The following ADAMTS3 variants were observed in gnomAD, a reference collection of about 807,000 sequenced individuals.
The protein encoded by ADAMTS3 is ADAM metallopeptidase with thrombospondin type 1 motif 3.
A neutral mutation model predicts 129.0 loss-of-function variants in ADAMTS3; 73 were observed. That is an observed-to-expected ratio of 0.57 (90% CI 0.47 to 0.69). The LOEUF is 0.69. ADAMTS3 is among the 30% of genes least tolerant of loss of function. ADAMTS3 has a pLI of 0.00. For synonymous variants in ADAMTS3, 477 were observed against 510.8 expected (o/e 0.93, Z 0.89); for missense variants, 1,457 against 1,514.5 (o/e 0.96, Z 0.63).
At chr4:72,529,377 G>T (rs1720899092) in intron 3 of ADAMTS3, among the ~76,000 whole-genome samples, 1 of 151,910 alleles carries the variant, frequency 6.6e-6, no homozygotes, top group African/African-American at 2.4e-5. Flanking sequence ...AAAGTCTGTG[G>T]TGGTGCCCAG....
intron 5 of ADAMTS3, among the ~76,000 whole-genome samples, chr4:72,337,327 CAT>C (rs1457131282): frequency 6.6e-6 from 1 of 151,890 alleles, no homozygotes; most frequent in Non-Finnish European, 1.5e-5. Context: ...GTTTTTAAAA[CAT>C]AAAATGCATC....
At chr4:72,336,368 A>G (rs1719988373) in intron 5 of ADAMTS3, among the ~76,000 whole-genome samples, 1 of 152,234 alleles carries the variant, frequency 6.6e-6, no homozygotes, top group South Asian at 2.1e-4. Flanking sequence ...GAGAAATCAT[A>G]AAGCATGGCC....
intron 3 of ADAMTS3, among the ~76,000 whole-genome samples, chr4:72,504,858 T>C (rs1720116536): frequency 6.6e-6 from 1 of 152,210 alleles, no homozygotes; most frequent in African/African-American, 2.4e-5. Context: ...AAGCTACTTA[T>C]AAAGTTTTCA....
At chr4:72,341,898 T>C (rs74687311) in intron 4 of ADAMTS3, among the ~76,000 whole-genome samples, 5,449 of 152,264 alleles carry the variant, frequency 0.036, 326 homozygotes, top group African/African-American at 0.13. Flanking sequence ...TCTTTCCATG[T>C]TTCCTAAAAT....
At chr4:72,538,089 T>C (rs1721226586) in intron 3 of ADAMTS3, among the ~76,000 whole-genome samples, 1 of 151,958 alleles carries the variant, frequency 6.6e-6, no homozygotes, top group Non-Finnish European at 1.5e-5. Context: ...ATACCAAGTC[T>C]GAGAAAGAAA....
At chr4:72,344,048 A>C (rs976729770) in intron 4 of ADAMTS3, among the ~76,000 whole-genome samples, 2 of 152,154 alleles carry the variant, frequency 1.3e-5, no homozygotes, top group African/African-American at 4.8e-5. Flanking sequence ...TGCAGAAGTG[A>C]TCATTTTACT....
At chr4:72,339,305 C>T (rs1384108891) in intron 5 of ADAMTS3, among the ~76,000 whole-genome samples, 189 bp downstream of exon 5, 3 of 152,166 alleles carry the variant, frequency 2.0e-5, no homozygotes, top group South Asian at 2.1e-4. Flanking sequence ...AAGAAACTTT[C>T]GCTTCATGCT....
intron 3 of ADAMTS3, among the ~76,000 whole-genome samples, chr4:72,536,872 T>A (rs1332682644): frequency 2.0e-5 from 3 of 152,228 alleles, no homozygotes; most frequent in Non-Finnish European, 4.4e-5. Context: ...TCATTCATGC[T>A]TATTGATTAT....
At chr4:72,415,614 T>C (rs1722284383) in intron 3 of ADAMTS3, among the ~76,000 whole-genome samples, 1 of 151,816 alleles carries the variant, frequency 6.6e-6, no homozygotes, top group Non-Finnish European at 1.5e-5. Context: ...TATATATATA[T>C]CCCCCTCAAA....
At chr4:72,321,345 G>GTT (rs33935571) in intron 6 of ADAMTS3, among the ~76,000 whole-genome samples, 89 of 148,888 alleles carry the variant, frequency 6.0e-4, no homozygotes, top group Middle Eastern at 3.4e-3. Context: ...CTTTTTTTTT[G>GTT]TTTTTTTTTG....
At chr4:72,424,742 C>T (rs1722528581) in intron 3 of ADAMTS3, among the ~76,000 whole-genome samples, 1 of 152,006 alleles carries the variant, frequency 6.6e-6, no homozygotes, top group Non-Finnish European at 1.5e-5. Context: ...TTTTTCTTCT[C>T]CCAAGAAACT....
intron 3 of ADAMTS3, among the ~76,000 whole-genome samples, chr4:72,501,805 G>GT (rs60617253): frequency 1.3e-5 from 2 of 152,036 alleles, no homozygotes; most frequent in Admixed American, 6.6e-5. Context: ...TTTCCTGAGG[G>GT]TTTTTTTATC....
intron 17 of ADAMTS3, among the ~76,000 whole-genome samples, chr4:72,299,583 G>A (rs1303704454): frequency 4.6e-5 from 7 of 152,002 alleles, no homozygotes; most frequent in Non-Finnish European, 8.8e-5. Context: ...ATGGTCCTCC[G>A]GAACAGTTAG....
chr4:72,322,051 A>G (rs1719569591), intron 6 of ADAMTS3, among the ~76,000 whole-genome samples: 1 of 152,190 alleles, frequency 6.6e-6, no homozygotes, highest in South Asian at 2.1e-4. Context: ...AAATGTTATT[A>G]CCAGTGTTTA....
At chr4:72,363,179 T>C (rs1720772143) in intron 4 of ADAMTS3, among the ~76,000 whole-genome samples, 1 of 152,132 alleles carries the variant, frequency 6.6e-6, no homozygotes, top group Non-Finnish European at 1.5e-5. Flanking sequence ...TCTCAGATTA[T>C]TTTACATAAA....
At chr4:72,315,035 C>T (rs1719354682) in intron 11 of ADAMTS3, among the ~76,000 whole-genome samples, 3 of 152,162 alleles carry the variant, frequency 2.0e-5, no homozygotes, top group Non-Finnish European at 1.5e-5. Flanking sequence ...AGCATTCAAT[C>T]CTGACTACAC....
chr4:72,376,834 A>C (rs1343729316), intron 4 of ADAMTS3, among the ~76,000 whole-genome samples: 1 of 152,154 alleles, frequency 6.6e-6, no homozygotes, highest in Non-Finnish European at 1.5e-5. Flanking sequence ...TTCACTGCCA[A>C]GGATGGTATT....
At chr4:72,291,577 A>G (rs982010637) in intron 19 of ADAMTS3, among the ~76,000 whole-genome samples, 1 of 151,908 alleles carries the variant, frequency 6.6e-6, no homozygotes, top group Non-Finnish European at 1.5e-5. Context: ...AAAGGACATG[A>G]ACTCATCCTT....
chr4:72,445,599 T>C (rs1391506665), intron 3 of ADAMTS3, among the ~76,000 whole-genome samples: 1 of 151,712 alleles, frequency 6.6e-6, no homozygotes, highest in Admixed American at 6.6e-5. Context: ...AATCTTACTT[T>C]TATTAGCAAC....
Sources: allele counts gnomAD v4.1 joint callset (sites outside exome capture counted in the v4.1 genomes callset), GRCh38; gene constraint gnomAD v4.1.1; transcripts MANE v1.5; gene names NCBI Gene and HGNC (gene_info 2026-07-23, HGNC 2026-07-21).